Variants in SPAG9 observed in about 807,000 individuals in gnomAD.
The protein encoded by SPAG9 is sperm associated antigen 9.
Under a neutral mutation model 166.5 loss-of-function variants are expected in SPAG9, and 35 were observed. The observed-to-expected ratio is 0.21, with a 90% CI of 0.16 to 0.28. The LOEUF is 0.28. SPAG9 is among the 10% of genes least tolerant of loss of function. The probability of loss-of-function intolerance (pLI) is 1.00; values close to 1 mark genes in which losing one functional copy is unlikely to be tolerated. For missense variants in SPAG9, 1,235 were observed against 1,603.3 expected, an observed-to-expected ratio of 0.77 and a Z score of 3.92; for synonymous variants, 534 against 565.5, an observed-to-expected ratio of 0.94 and a Z score of 0.79.
rs190414277 is a variant in SPAG9, at chr17:51,086,967, T to C, written c.304-7263A>G. Among the ~76,000 whole-genome samples, 423 of 152,200 alleles carry C rather than the reference T, an allele frequency of 2.8e-3. 1 individual carries two copies. Among genetic ancestry groups the C allele is most frequent in the African/African-American group, 9.9e-3 (410 of 41,548 alleles). ...AAATAAAAAATAAAATGCTAATCAC[T>C]AATATGCAACAAAAATAAAAGTTCC... is the stretch of plus-strand genomic sequence containing the variant. On this transcript the variant is annotated intron_variant, in intron 1 of 29. Transcript: ENST00000262013.
At position 51,002,906 on chromosome 17, in the gene SPAG9, T is replaced by A. The variant is rs79826133; in HGVS notation, c.1477-1061A>T. Reference sequence around the variant, plus strand: ...CCAGCCTTGGCAATGTGGTGTGAGATCCCATCTCTACAGAAAATAAAAAAT... The same window carrying A: ...CCAGCCTTGGCAATGTGGTGTGAGAACCCATCTCTACAGAAAATAAAAAAT... On this transcript the variant is annotated intron_variant, in intron 12 of 29. Transcript: ENST00000262013. Among the ~76,000 whole-genome samples the A allele has an allele frequency of 4.4e-4, 66 of 150,560 alleles. No individual in the cohort carries two copies. In the East Asian group the frequency reaches 0.011, roughly 24 times the overall value.
At position 51,018,413 on chromosome 17, in the gene SPAG9, C is replaced by T. The variant is rs1283765298; in HGVS notation, c.1091+1746G>A. Among the ~76,000 whole-genome samples, 5 of 152,094 alleles carry T rather than the reference C, an allele frequency of 3.3e-5. 1 individual carries two copies. The South Asian group carries it at 8.3e-4, about 25-fold the overall frequency. ...TATTTTCTTCCTACCACTAAACAGC[C>T]TTCCCATGTAAAATGATACCAAAAT... On this transcript the variant is annotated intron_variant, in intron 8 of 29. Transcript: ENST00000262013.
At chr17:50,987,037 A>G in intron 22 of SPAG9, 75 bp downstream of exon 22, 3 of 1,405,972 alleles carry the variant, frequency 2.1e-6, no homozygotes, top group South Asian at 1.3e-5. Context: ...TTTGTTTACC[A>G]TATTTTACTT....
At chr17:51,042,907 G>A (rs558932044) in intron 4 of SPAG9, among the ~76,000 whole-genome samples, 2 of 152,102 alleles carry the variant, frequency 1.3e-5, no homozygotes, top group East Asian at 1.9e-4. Context: ...GGTAGTTTTT[G>A]TTTGTTTGTG....
chr17:51,120,337 C>A lies in SPAG9; in HGVS notation c.303+17G>T. 1 of 1,543,200 alleles carries A rather than the reference C, an allele frequency of 6.5e-7. No individual in the cohort carries two copies. Among genetic ancestry groups the A allele is most frequent in the East Asian group, 2.4e-5 (1 of 41,118 alleles). On this transcript the variant is annotated intron_variant, in intron 1 of 29. Coordinates refer to ENST00000262013, the MANE Select transcript of SPAG9 (RefSeq NM_001130528.3). The surrounding 1 kb of genome is among the most constrained non-coding windows in gnomAD (Gnocchi z 4.7). ...CGGAGACGGATCCCGCGGCCCCCGC[C>A]CTGCCGCCGGCCTCACCTCCTCAGC...
Position 50,963,203 on chromosome 17 carries a change from A to G in SPAG9, c.*3069T>C, listed in dbSNP as rs1243772701. 1 of 152,166 alleles carries G rather than the reference A, an allele frequency of 6.6e-6. No homozygotes were observed. Among genetic ancestry groups the G allele is most frequent in the Non-Finnish European group, 1.5e-5 (1 of 68,030 alleles). 9.4% of individuals were successfully genotyped at this position (152,166 alleles called of 1,614,324 possible). A position where few individuals can be genotyped will look rare whatever the true frequency, so the allele number is the denominator to read the frequency against. On this transcript the variant is annotated 3_prime_UTR_variant, in exon 30 of 30. Coordinates refer to ENST00000262013, the MANE Select transcript of SPAG9 (RefSeq NM_001130528.3). Reference sequence around the variant, plus strand: ...CTTCAAGTATTCCTTATTTCTTCCAATAGGGGTACACTTTTTTTGTACAGT... The same window carrying G: ...CTTCAAGTATTCCTTATTTCTTCCAGTAGGGGTACACTTTTTTTGTACAGT...
At chr17:51,002,144 T>C (rs935993402) in intron 12 of SPAG9, among the ~76,000 whole-genome samples, 4 of 152,018 alleles carry the variant, frequency 2.6e-5, no homozygotes, top group African/African-American at 9.7e-5. Flanking sequence ...GCCTCCTGAG[T>C]AGCTTGGACT....
At chr17:51,082,291 C>G (rs1280931827) in intron 1 of SPAG9, among the ~76,000 whole-genome samples, 1 of 144,502 alleles carries the variant, frequency 6.9e-6, no homozygotes, top group Non-Finnish European at 1.5e-5. Flanking sequence ...AGGAGAATTG[C>G]TTGAACCCAG....
intron 2 of SPAG9, among the ~76,000 whole-genome samples, chr17:51,074,438 G>C (rs2144609522): frequency 6.6e-6 from 1 of 152,226 alleles, no homozygotes; most frequent in East Asian, 1.9e-4. Context: ...TCAGTTCATA[G>C]AAAAAAGATT....
In SPAG9 at chr17:51,110,008, G is replaced by A. The variant is rs552777885; in HGVS notation, c.303+10346C>T. Among the ~76,000 whole-genome samples, 73 of 152,172 alleles carry A rather than the reference G, an allele frequency of 4.8e-4. No individual in the cohort carries two copies. In the South Asian group the frequency reaches 6.8e-3, roughly 14 times the overall value. ...ATTACAGGCATTAGCTACTACACTC[G>A]GCCTTGGAAATGTTCTCAAACGTAA... On this transcript the variant is annotated intron_variant, in intron 1 of 29. Transcript: ENST00000262013.
chr17:51,031,948 T>A (rs1271052151), intron 5 of SPAG9: 5 of 654,718 alleles, frequency 7.6e-6, no homozygotes, highest in East Asian at 3.0e-5. Context: ...GATCAGTGTC[T>A]TATACTTATC....
chr17:50,970,925 T>TTA, intron 28 of SPAG9, 69 bp from the exon 29 acceptor site: 1 of 1,334,180 alleles, frequency 7.5e-7, no homozygotes, highest in Non-Finnish European at 1.0e-6. Flanking sequence ...TTTTTTTTTT[T>TTA]AAGTATTTTT....
chr17:51,098,894 G>A (rs958976426), intron 1 of SPAG9, among the ~76,000 whole-genome samples: 3 of 151,394 alleles, frequency 2.0e-5, no homozygotes, highest in Non-Finnish European at 2.9e-5. Flanking sequence ...AAGGTCAGGA[G>A]ATCAAGACCA....
rs141517017 is a variant in SPAG9 at position 50,991,661 on chromosome 17, T to C, written c.2399-993A>G. Among the ~76,000 whole-genome samples the C allele has an allele frequency of 8.9e-3, 1,359 of 151,990 alleles. 23 individuals carry two copies. Among genetic ancestry groups the C allele is most frequent in the African/African-American group, 0.032 (1,308 of 41,460 alleles). On this transcript the variant is annotated intron_variant, in intron 19 of 29. Transcript: ENST00000262013. ...TTTTGGCGACAGAGTTTCACTCTTG[T>C]TGCCCAGGCTGGTGTGCAATGGTAC...
intron 1 of SPAG9, among the ~76,000 whole-genome samples, chr17:51,102,044 C>G (rs1344989797): frequency 1.3e-5 from 2 of 152,038 alleles, no homozygotes; most frequent in Non-Finnish European, 2.9e-5. Flanking sequence ...GTTTTACTCA[C>G]CATTTTATCT....
Position 50,974,899 on chromosome 17 carries a change from C to A in SPAG9, c.3572G>T (p.Arg1191Leu). The stretch of plus-strand genomic sequence containing the variant: ...ATCACTGTTTTCATCACCATATACA[C>A]GGATTACACTTCCAGGACGATTTCC... ...VPGNRPGSVI[R>L]VYGDENSDKV... Residue 1191 changes from arginine to leucine, a missense_variant, in exon 28 of 30, where the codon CGT (arginine) becomes CTT (leucine). By Grantham distance (102) the Arg-to-Leu change is moderately radical. This residue lies in a region of SPAG9 where 243 missense variants were observed against 358.6 expected (regional missense o/e 0.68). Coordinates refer to ENST00000262013, the MANE Select transcript of SPAG9 (RefSeq NM_001130528.3). 2 of 1,612,314 alleles carry A rather than the reference C, an allele frequency of 1.2e-6. No homozygotes were observed. Among genetic ancestry groups the A allele is most frequent in the South Asian group, 1.1e-5 (1 of 90,628 alleles).
intron 14 of SPAG9, 154 bp from the exon 15 acceptor site, chr17:50,998,771 G>T: frequency 1.6e-6 from 1 of 610,744 alleles, no homozygotes. Flanking sequence ...ATACGCTGTA[G>T]CCTTAGCAGT....
In SPAG9 at chr17:50,985,735, G is replaced by A; in HGVS notation, c.2983C>T (p.His995Tyr). ...SSVAQWRKCL[H>Y]SIKLKDSILS... ...ATCGAATCTTTAAGTTTAATGGAAT[G>A]GAGACATTTCCTCCACTGGGCTACA... Residue 995 changes from histidine (H) to tyrosine (Y), a missense_variant, in exon 23 of 30, where the codon CAT becomes TAT. Coordinates refer to ENST00000262013, the MANE Select transcript of SPAG9 (RefSeq NM_001130528.3). 1 of 1,608,706 alleles carries A rather than the reference G, an allele frequency of 6.2e-7. No homozygotes were observed. Among genetic ancestry groups the A allele is most frequent in the South Asian group, 1.1e-5 (1 of 90,734 alleles).
At chr17:50,971,263 G>A (rs936833564) in intron 28 of SPAG9, among the ~76,000 whole-genome samples, 7 of 151,866 alleles carry the variant, frequency 4.6e-5, no homozygotes, top group South Asian at 2.1e-4. Flanking sequence ...GCTGTGATGC[G>A]CCACTGTACT....
Sources: gnomAD v4.1 joint callset for allele counts (sites outside exome capture counted in the v4.1 genomes callset) on GRCh38, gnomAD v4.1.1 for gene constraint, gnomAD v4.1.1 regional missense constraint, Gnocchi (gnomAD v3.1) non-coding constraint, MANE v1.5 for transcripts, NCBI Gene and HGNC (gene_info 2026-07-23, HGNC 2026-07-21) for gene names.